Variants in PTPRD observed in about 807,000 individuals in gnomAD.
PTPRD encodes the protein receptor-type tyrosine-protein phosphatase delta.
Under a neutral mutation model 214.5 loss-of-function variants are expected in PTPRD, and 34 were observed. The observed-to-expected ratio is 0.16, with a 90% CI of 0.12 to 0.21. The LOEUF (loss-of-function observed/expected upper bound fraction) is 0.21, where lower values mean the gene tolerates loss of function less well. Among genes scored for constraint, PTPRD ranks in the 10% least tolerant of loss-of-function variants. PTPRD has a pLI of 1.00. For missense variants in PTPRD, 2,545 were observed against 2,398.7 expected, an observed-to-expected ratio of 1.06 and a Z score of -1.27; for synonymous variants, 1,128 against 845.7, an observed-to-expected ratio of 1.33 and a Z score of -5.79.
Position 10,269,958 on chromosome 9 carries a change from T to A in PTPRD, c.-545+71005A>T, listed in dbSNP as rs117882994. On this transcript the variant is annotated intron_variant, in intron 3 of 45. Coordinates refer to ENST00000381196, the MANE Select transcript of PTPRD (RefSeq NM_002839.4). ...TATGACAGAAATTATAAGATTCAAA[T>A]AGGGAAATACAGAATAAAATACTAA... Among the ~76,000 whole-genome samples, 608 of 152,140 alleles carry A rather than the reference T, an allele frequency of 4.0e-3. 8 individuals are homozygous for A. Among genetic ancestry groups the A allele is most frequent in the African/African-American group, 0.013 (553 of 41,560 alleles).
intron 9 of PTPRD, among the ~76,000 whole-genome samples, chr9:9,272,849 G>C (rs938238138): frequency 6.6e-6 from 1 of 151,262 alleles, no homozygotes; most frequent in East Asian, 2.0e-4. Flanking sequence ...TGGTGATGCA[G>C]TGAGCTCAAA....
chr9:9,057,767 G>T (rs1023728732), intron 10 of PTPRD, among the ~76,000 whole-genome samples: 3 of 152,130 alleles, frequency 2.0e-5, no homozygotes, highest in Admixed American at 2.0e-4. Flanking sequence ...TGAGCTTTTT[G>T]TGCATAATTT....
At chr9:10,458,403 C>T (rs1284188102) in intron 2 of PTPRD, among the ~76,000 whole-genome samples, 2 of 152,106 alleles carry the variant, frequency 1.3e-5, no homozygotes, top group South Asian at 2.1e-4. Context: ...GCAAATCAAC[C>T]AATGGATACA....
chr9:9,071,276 C>G (rs192351764), intron 10 of PTPRD, among the ~76,000 whole-genome samples: 8 of 152,266 alleles, frequency 5.3e-5, no homozygotes, highest in Admixed American at 3.9e-4. Context: ...GGACAAGGCA[C>G]ACAACTTCTC....
At chr9:9,711,900 A>C (rs2097740126) in intron 7 of PTPRD, among the ~76,000 whole-genome samples, 1 of 152,144 alleles carries the variant, frequency 6.6e-6, no homozygotes, top group Non-Finnish European at 1.5e-5. Context: ...AAACCACTAC[A>C]TCTAACTATA....
chr9:10,204,515 G>C (rs1465894638), intron 3 of PTPRD, among the ~76,000 whole-genome samples: 1 of 151,924 alleles, frequency 6.6e-6, no homozygotes, highest in East Asian at 1.9e-4. Flanking sequence ...AATATTTGTT[G>C]AACAAGCAGA....
At chr9:9,507,008 C>A (rs939964802) in intron 8 of PTPRD, among the ~76,000 whole-genome samples, 1 of 151,322 alleles carries the variant, frequency 6.6e-6, no homozygotes, top group Non-Finnish European at 1.5e-5. Context: ...GTCTTAGTTC[C>A]ATATGTCATA....
At chr9:8,327,893 T>C in intron 44 of PTPRD, among the ~76,000 whole-genome samples, 1 of 152,218 alleles carries the variant, frequency 6.6e-6, no homozygotes, top group East Asian at 1.9e-4. Context: ...CCCTTTATTT[T>C]GAGCCTATGT....
chr9:9,962,518 C>T (rs988700809), intron 4 of PTPRD, among the ~76,000 whole-genome samples: 3 of 149,526 alleles, frequency 2.0e-5, no homozygotes, highest in Admixed American at 1.3e-4. Context: ...AACATTAAGC[C>T]ATTAAGCCAT....
intron 3 of PTPRD, among the ~76,000 whole-genome samples, chr9:10,215,033 T>G (rs1310228533): frequency 6.6e-6 from 1 of 152,098 alleles, no homozygotes; most frequent in Non-Finnish European, 1.5e-5. Flanking sequence ...AAGTAGAAGC[T>G]GATTCCATAC....
At chr9:8,779,989 C>A (rs1449313596) in intron 11 of PTPRD, among the ~76,000 whole-genome samples, 1 of 152,020 alleles carries the variant, frequency 6.6e-6, no homozygotes, top group African/African-American at 2.4e-5. Flanking sequence ...CATCTTACTG[C>A]ACAATGTAAC....
intron 7 of PTPRD, among the ~76,000 whole-genome samples, chr9:9,715,237 C>A (rs1007776784): frequency 2.0e-5 from 3 of 152,108 alleles, no homozygotes; most frequent in African/African-American, 7.2e-5. Flanking sequence ...ACTTTCTGTT[C>A]CTACTATATT....
chr9:8,333,854 CAA>C (rs60751885), intron 43 of PTPRD, among the ~76,000 whole-genome samples: 8,056 of 147,696 alleles, frequency 0.055, 715 homozygotes, highest in African/African-American at 0.19. Flanking sequence ...AAATGGAAGG[CAA>C]AAAAAAAGAG....
intron 2 of PTPRD, among the ~76,000 whole-genome samples, chr9:10,410,737 C>A (rs577524857): frequency 3.2e-4 from 49 of 151,832 alleles, no homozygotes; most frequent in African/African-American, 1.1e-3. Context: ...CCAATCTTAA[C>A]AAGTGTGATC....
intron 10 of PTPRD, among the ~76,000 whole-genome samples, chr9:9,169,509 T>C (rs945998076): frequency 2.5e-4 from 38 of 152,228 alleles, no homozygotes; most frequent in African/African-American, 8.9e-4. Context: ...AATTTTCCAA[T>C]TAAAAAATGA....
rs189230730 is a variant in PTPRD at position 10,158,137 on chromosome 9, T to C, written c.-544-124347A>G. ...AATTCTTCTGTCTCAGACCCCCGCT[T>C]AACTGGGATTACAGGTGCCCCCACC... On this transcript the variant is annotated intron_variant, in intron 3 of 45. Transcript: ENST00000381196. 4.9e-3 allele frequency among the ~76,000 whole-genome samples: 745 copies of C among 152,156 alleles called. 9 individuals are homozygous for C. The highest frequency in any genetic ancestry group is 0.017 in the African/African-American group (716 of 41,522).
At position 9,451,354 on chromosome 9, in the gene PTPRD, CA is replaced by C. The variant is rs145847517; in HGVS notation, c.-236-53873del. ...CATTAAATAGAAATATTAAATAATT[CA>C]AAATTAAAACAAAAAATGAAACCAC... is the stretch of plus-strand genomic sequence containing the variant. On this transcript the variant is annotated intron_variant, in intron 8 of 45. Coordinates refer to ENST00000381196, the MANE Select transcript of PTPRD (RefSeq NM_002839.4). Among the ~76,000 whole-genome samples the C allele has an allele frequency of 8.1e-3, 1,229 of 151,686 alleles. 10 individuals carry two copies. Among genetic ancestry groups the C allele is most frequent in the Middle Eastern group, 0.017 (5 of 294 alleles).
At chr9:8,878,232 G>C (rs921282661) in intron 11 of PTPRD, among the ~76,000 whole-genome samples, 1 of 152,132 alleles carries the variant, frequency 6.6e-6, no homozygotes, top group African/African-American at 2.4e-5. Context: ...TGGAAAGCAG[G>C]GGAATTGGTC....
chr9:8,760,150 C>G (rs1303425979), intron 11 of PTPRD, among the ~76,000 whole-genome samples: 1 of 152,158 alleles, frequency 6.6e-6, no homozygotes, highest in African/African-American at 2.4e-5. Context: ...AGGCTGTTCT[C>G]AAACTCCTGA....
Sources: gnomAD v4.1 joint callset for allele counts (sites outside exome capture counted in the v4.1 genomes callset) on GRCh38, gnomAD v4.1.1 for gene constraint, MANE v1.5 for transcripts, NCBI Gene and HGNC (gene_info 2026-07-23, HGNC 2026-07-21) for gene names.